The following AXIN1 variants were observed in gnomAD, a reference collection of about 807,000 sequenced individuals.
The protein encoded by AXIN1 is axin 1, also known as axin-1.
AXIN1 carries 30 observed loss-of-function variants against 76.4 expected under a neutral mutation model. The observed-to-expected ratio is 0.39, with a 90% confidence interval of 0.29 to 0.53. AXIN1 has a LOEUF of 0.53. Among genes scored for constraint, AXIN1 ranks in the 20% least tolerant of loss-of-function variants. The probability of loss-of-function intolerance (pLI) is 0.66; values close to 1 mark genes in which losing one functional copy is unlikely to be tolerated. For missense variants in AXIN1, 1,140 were observed against 1,198.8 expected (o/e 0.95, Z 0.72); for synonymous variants, 545 against 501.4 (o/e 1.09, Z -1.16).
At chr16:291,390 G>A in intron 8 of AXIN1, 93 bp from the exon 9 acceptor site, 1 of 1,103,968 alleles carries the variant, frequency 9.1e-7, no homozygotes, top group South Asian at 1.3e-5. Flanking sequence ...GGGACGGACG[G>A]AGCGTGAAGG....
intron 2 of AXIN1, among the ~76,000 whole-genome samples, chr16:323,551 G>A (rs1247418867): frequency 6.6e-6 from 1 of 151,956 alleles, no homozygotes; most frequent in Non-Finnish European, 1.5e-5. Flanking sequence ...GGAGGCCGAG[G>A]CGGGTGGATC....
Position 288,063 on chromosome 16 carries a change from C to T in AXIN1, c.*59G>A, listed in dbSNP as rs995033939. The T allele has an allele frequency of 3.1e-6, 5 of 1,610,974 alleles. No homozygotes were observed. Among genetic ancestry groups the T allele is most frequent in the East Asian group, 2.2e-5 (1 of 44,892 alleles). Reference sequence around the variant, plus strand: ...CCTGAGTACGAGGTCATCTGCCTGGCCGTGACACCCGTGCCCGCCAAGGGC... The same window carrying T: ...CCTGAGTACGAGGTCATCTGCCTGGTCGTGACACCCGTGCCCGCCAAGGGC... On this transcript the variant is annotated 3_prime_UTR_variant, in exon 11 of 11. Coordinates refer to ENST00000262320, the MANE Select transcript of AXIN1 (RefSeq NM_003502.4).
At chr16:344,103 G>A (rs999898239) in intron 2 of AXIN1, among the ~76,000 whole-genome samples, 7 of 151,954 alleles carry the variant, frequency 4.6e-5, no homozygotes, top group Admixed American at 4.6e-4. Context: ...TAAAATGCTT[G>A]CTAAATAAAT....
intron 5 of AXIN1, among the ~76,000 whole-genome samples, chr16:299,937 G>T (rs932162660): frequency 6.6e-6 from 1 of 151,982 alleles, no homozygotes; most frequent in Non-Finnish European, 1.5e-5. Context: ...TTACAAGTGT[G>T]AGCCACCGTG....
At chr16:326,082 T>C in intron 2 of AXIN1, among the ~76,000 whole-genome samples, 1 of 151,986 alleles carries the variant, frequency 6.6e-6, no homozygotes, top group Admixed American at 6.6e-5. Flanking sequence ...GGGCCAGGCG[T>C]GGTGGCTCAT....
chr16:313,028 A>T (rs1381341255), intron 3 of AXIN1, among the ~76,000 whole-genome samples: 4 of 152,156 alleles, frequency 2.6e-5, no homozygotes, highest in Non-Finnish European at 5.9e-5. Context: ...AATCATCATC[A>T]TCAGCCGGAT....
At chr16:319,522 G>A (rs562543763) in intron 2 of AXIN1, among the ~76,000 whole-genome samples, 1 of 152,204 alleles carries the variant, frequency 6.6e-6, no homozygotes, top group Non-Finnish European at 1.5e-5. Context: ...AAGGCAACAG[G>A]AAATGAGAAG....
Position 332,073 on chromosome 16 carries a change from G to T in AXIN1, c.878+14075C>A, listed in dbSNP as rs145908867. Among the ~76,000 whole-genome samples, 664 of 152,260 alleles carry T rather than the reference G, an allele frequency of 4.4e-3. 4 individuals are homozygous for T. Among genetic ancestry groups the T allele is most frequent in the Middle Eastern group, 0.01 (3 of 294 alleles). ...CTCGTTAGGGGCTCGCGGATGGCCT[G>T]ACGCCTGACACAGGCAGTGCGAGAG... On this transcript the variant is annotated intron_variant, in intron 2 of 10. Transcript: ENST00000262320.
At chr16:336,226 A>C (rs1158095960) in intron 2 of AXIN1, among the ~76,000 whole-genome samples, 1 of 151,888 alleles carries the variant, frequency 6.6e-6, no homozygotes, top group Non-Finnish European at 1.5e-5. Context: ...CAAGAGCAAA[A>C]CTCCGTCTCA....
At chr16:300,606 G>A (rs963567126) in intron 5 of AXIN1, among the ~76,000 whole-genome samples, 14 of 152,196 alleles carry the variant, frequency 9.2e-5, no homozygotes, top group Admixed American at 7.9e-4. Context: ...CAGAGCTGGT[G>A]TGGGCTTGGC....
Position 342,091 on chromosome 16 carries a change from C to T in AXIN1, c.878+4057G>A, listed in dbSNP as rs978291817. Among the ~76,000 whole-genome samples, 132 of 152,258 alleles carry T rather than the reference C, an allele frequency of 8.7e-4. 1 individual carries two copies. The highest frequency in any genetic ancestry group is 3.1e-3 in the African/African-American group (129 of 41,516). ...GCCAGCAGTGGTAACTCGCTCGGGT[C>T]CCCTTCCATAGTGTGGAAGCTTTGT... On this transcript the variant is annotated intron_variant, in intron 2 of 10. Transcript: ENST00000262320.
chr16:333,611 C>T lies in AXIN1; in HGVS notation c.878+12537G>A, dbSNP rs79696723. ...GAGGGAAGAAAAAAAGCACCATCCA[C>T]ACCGTATGAAGAGAATGGAGCCAGG... On this transcript the variant is annotated intron_variant, in intron 2 of 10. Coordinates refer to ENST00000262320, the MANE Select transcript of AXIN1 (RefSeq NM_003502.4). Among the ~76,000 whole-genome samples, 929 of 152,148 alleles carry T rather than the reference C, an allele frequency of 6.1e-3. 14 individuals are homozygous for T. The highest frequency in any genetic ancestry group is 0.02 in the African/African-American group (841 of 41,442).
At chr16:288,867 A>C (rs763529360) in intron 10 of AXIN1, among the ~76,000 whole-genome samples, 1 of 152,214 alleles carries the variant, frequency 6.6e-6, no homozygotes, top group Non-Finnish European at 1.5e-5. Context: ...AGGTCGGCCT[A>C]GGGGAGCCTA....
rs767450750 is a variant in AXIN1, at chr16:297,213, C to T, written c.1798G>A (p.Val600Met). Residue 600 changes from valine (V) to methionine (M), a missense_variant, in exon 7 of 11, where the codon GTG becomes ATG. This residue lies in a region of AXIN1 where 429 missense variants were observed against 405.8 expected (regional missense o/e 1.06). Coordinates refer to ENST00000262320, the MANE Select transcript of AXIN1 (RefSeq NM_003502.4). Reference sequence around the variant, plus strand: ...TTCTTGGCATTTCTTTTGCACGCCACGCCCACCTTCCCACTGCAAGGGCAA... The same window carrying T: ...TTCTTGGCATTTCTTTTGCACGCCATGCCCACCTTCCCACTGCAAGGGCAA... ...DGLAHSGKVGVACKRNAKKAE... is the reference protein window; with the variant it reads ...DGLAHSGKVGMACKRNAKKAE... 2.4e-5 allele frequency: 38 copies of T among 1,606,756 alleles called. No individual in the cohort carries two copies. The highest frequency in any genetic ancestry group is 1.8e-4 in the East Asian group (8 of 44,882).
intron 2 of AXIN1, among the ~76,000 whole-genome samples, chr16:330,271 C>T (rs1194508187): frequency 6.6e-6 from 1 of 151,642 alleles, no homozygotes; most frequent in African/African-American, 2.4e-5. Context: ...CCTATGTTGC[C>T]CAGGTTGGTC....
chr16:327,820 C>T (rs1363175666), intron 2 of AXIN1, among the ~76,000 whole-genome samples: 1 of 152,226 alleles, frequency 6.6e-6, no homozygotes, highest in Non-Finnish European at 1.5e-5. Flanking sequence ...TGAGGCCAGG[C>T]ACATGATGCA....
chr16:291,378 C>T (rs1309348517), intron 8 of AXIN1, 81 bp from the exon 9 acceptor site: 51 of 1,223,070 alleles, frequency 4.2e-5, no homozygotes, highest in Non-Finnish European at 5.9e-5. Flanking sequence ...TGCTGCTGCG[C>T]AGGGACGGAC....
chr16:312,334 C>T (rs1015055589), intron 3 of AXIN1, among the ~76,000 whole-genome samples: 1 of 152,172 alleles, frequency 6.6e-6, no homozygotes, highest in Non-Finnish European at 1.5e-5. Context: ...AATTGTTAAA[C>T]ACTTCAGTAC....
chr16:334,496 A>C (rs1412332238), intron 2 of AXIN1, among the ~76,000 whole-genome samples: 1 of 150,124 alleles, frequency 6.7e-6, no homozygotes, highest in Non-Finnish European at 1.5e-5. Context: ...ATTACACAGC[A>C]CCCAGTACCA....
Sources: gnomAD v4.1 joint callset for allele counts (sites outside exome capture counted in the v4.1 genomes callset) on GRCh38, gnomAD v4.1.1 for gene constraint, gnomAD v4.1.1 regional missense constraint, MANE v1.5 for transcripts, NCBI Gene and HGNC (gene_info 2026-07-23, HGNC 2026-07-21) for gene names.